The following DGKB variants were observed in gnomAD, a reference collection of about 807,000 sequenced individuals.
DGKB encodes the protein 90 kDa diacylglycerol kinase.
Under a neutral mutation model 114.3 loss-of-function variants are expected in DGKB, and 67 were observed. That is an observed-to-expected ratio of 0.59 (90% CI 0.48 to 0.72). DGKB has a LOEUF of 0.72. Among genes scored for constraint, DGKB ranks in the 30% least tolerant of loss-of-function variants. The pLI, the probability that DGKB is intolerant of heterozygous loss-of-function variation, is 0.00. For missense variants in DGKB, 907 were observed against 975.2 expected, an observed-to-expected ratio of 0.93 and a Z score of 0.93; for synonymous variants, 398 against 323.1, an observed-to-expected ratio of 1.23 and a Z score of -2.49.
chr7:14,236,465 GA>G (rs561911202), intron 23 of DGKB, among the ~76,000 whole-genome samples: 7 of 151,432 alleles, frequency 4.6e-5, no homozygotes, highest in South Asian at 4.2e-4. Context: ...CACTAAAGAA[GA>G]AAAAAAACTT....
At chr7:14,391,019 T>G (rs1053704715) in intron 21 of DGKB, among the ~76,000 whole-genome samples, 2 of 152,188 alleles carry the variant, frequency 1.3e-5, no homozygotes, top group Non-Finnish European at 2.9e-5. Context: ...GAATACTTAA[T>G]TATTTGGAAA....
chr7:14,799,418 G>T (rs1484627463), intron 2 of DGKB, among the ~76,000 whole-genome samples: 1 of 152,154 alleles, frequency 6.6e-6, no homozygotes. Flanking sequence ...ATGCTAACTG[G>T]ATGTAGGAGG....
chr7:14,446,021 C>T (rs73280346), intron 21 of DGKB, among the ~76,000 whole-genome samples: 1 of 151,980 alleles, frequency 6.6e-6, no homozygotes. Context: ...ATAAGGAAAA[C>T]CCGTGCTTTC....
chr7:14,570,025 T>C (rs916970985), intron 20 of DGKB, among the ~76,000 whole-genome samples: 5 of 151,438 alleles, frequency 3.3e-5, no homozygotes, highest in Non-Finnish European at 4.4e-5. Flanking sequence ...GATTTTATAT[T>C]TGGCAAATTT....
rs142364438 is a variant in DGKB at position 14,376,778 on chromosome 7, G to A, written c.1836-31387C>T. Among the ~76,000 whole-genome samples, 54 of 152,248 alleles carry A rather than the reference G, an allele frequency of 3.5e-4. No homozygotes were observed. The South Asian group carries it at 6.8e-3, about 19-fold the overall frequency. ...ACTTTGCACTAAATAACTTTTCTAG[G>A]ATGAATAAGGGTGCCTAGATATTTC... is the stretch of plus-strand genomic sequence containing the variant. On this transcript the variant is annotated intron_variant, in intron 21 of 25. Transcript: ENST00000402815.
intron 20 of DGKB, among the ~76,000 whole-genome samples, chr7:14,505,603 G>C (rs1206920483): frequency 6.6e-6 from 1 of 152,140 alleles, no homozygotes; most frequent in East Asian, 1.9e-4. Flanking sequence ...TGCCTCCAAA[G>C]ACCAATGTAA....
At chr7:14,689,663 T>C (rs932182453) in intron 9 of DGKB, among the ~76,000 whole-genome samples, 2 of 152,196 alleles carry the variant, frequency 1.3e-5, no homozygotes. Flanking sequence ...TCATTTTTCT[T>C]AAATGACACA....
chr7:14,189,078 G>A (rs2068399), intron 23 of DGKB, among the ~76,000 whole-genome samples: 43,898 of 152,048 alleles, frequency 0.29, 8,324 homozygotes, highest in African/African-American at 0.55. Context: ...TTACTAACAG[G>A]AAAACAAGTG....
chr7:14,550,958 C>A (rs780638452), intron 20 of DGKB, among the ~76,000 whole-genome samples: 1 of 152,150 alleles, frequency 6.6e-6, no homozygotes, highest in Non-Finnish European at 1.5e-5. Flanking sequence ...TTTAATCAGT[C>A]TGTGAGCATT....
intron 1 of DGKB, among the ~76,000 whole-genome samples, chr7:14,929,420 C>T (rs1784896625): frequency 6.6e-6 from 1 of 151,910 alleles, no homozygotes; most frequent in Non-Finnish European, 1.5e-5. Context: ...TTAATAGTAG[C>T]CATTCTGATC....
At chr7:14,842,543 A>G (rs1848081649) in intron 1 of DGKB, among the ~76,000 whole-genome samples, 1 of 152,190 alleles carries the variant, frequency 6.6e-6, no homozygotes, top group African/African-American at 2.4e-5. Context: ...TTGGGGAAGC[A>G]ACACAAGTGA....
At chr7:14,537,303 G>T (rs1761960301) in intron 20 of DGKB, among the ~76,000 whole-genome samples, 1 of 151,996 alleles carries the variant, frequency 6.6e-6, no homozygotes, top group South Asian at 2.1e-4. Context: ...TTTTTATACA[G>T]AAATAGAAAA....
At chr7:14,689,205 T>TTTATTTTTTTA (rs1306875949) in intron 9 of DGKB, among the ~76,000 whole-genome samples, 4 of 121,206 alleles carry the variant, frequency 3.3e-5, no homozygotes, top group East Asian at 2.7e-4. Context: ...TCTTATTTTT[T>TTTATTTTTTTA]TTTTTTTTTT....
chr7:14,578,077 A>C (rs779825098), intron 19 of DGKB, among the ~76,000 whole-genome samples: 16 of 152,062 alleles, frequency 1.1e-4, no homozygotes, highest in Non-Finnish European at 2.4e-4. Flanking sequence ...TCCTCCATGC[A>C]GTTCTGGTGG....
chr7:14,259,747 T>C (rs1796487020), intron 23 of DGKB, among the ~76,000 whole-genome samples: 1 of 152,096 alleles, frequency 6.6e-6, no homozygotes, highest in Non-Finnish European at 1.5e-5. Flanking sequence ...ATTTCAAATG[T>C]TCATTGTCAT....
intron 9 of DGKB, among the ~76,000 whole-genome samples, chr7:14,691,147 A>T (rs1381558263): frequency 6.6e-6 from 1 of 152,222 alleles, no homozygotes; most frequent in Non-Finnish European, 1.5e-5. Context: ...GAGAAAAATA[A>T]ATTGCATTGA....
chr7:14,502,756 C>A (rs1056919201), intron 20 of DGKB, among the ~76,000 whole-genome samples: 1 of 152,040 alleles, frequency 6.6e-6, no homozygotes, highest in South Asian at 2.1e-4. Flanking sequence ...ATCTATATAA[C>A]ACTATTCTCT....
chr7:14,594,307 T>C (rs949280359), intron 17 of DGKB, among the ~76,000 whole-genome samples: 19 of 152,094 alleles, frequency 1.2e-4, no homozygotes, highest in African/African-American at 4.6e-4. Flanking sequence ...TCTCTTAAGG[T>C]ATTAATGAAT....
chr7:14,958,521 C>T (rs975373220), intron 1 of DGKB, among the ~76,000 whole-genome samples: 1 of 148,490 alleles, frequency 6.7e-6, no homozygotes, highest in African/African-American at 2.5e-5. Context: ...AAAGAAGAAG[C>T]CTAAGCTTCG....
Sources: allele counts gnomAD v4.1 joint callset (sites outside exome capture counted in the v4.1 genomes callset), GRCh38; gene constraint gnomAD v4.1.1; transcripts MANE v1.5; gene names NCBI Gene and HGNC (gene_info 2026-07-23, HGNC 2026-07-21).